The following SMAD2 variants were observed in gnomAD, a reference collection of about 807,000 sequenced individuals.
SMAD2 encodes SMAD family member 2, also known as MAD homolog 2.
SMAD2 carries 8 observed loss-of-function variants against 64.4 expected under a neutral mutation model. That is an observed-to-expected ratio of 0.12 (90% CI 0.07 to 0.22). The LOEUF is 0.22. SMAD2 is among the 10% of genes least tolerant of loss of function. The pLI is 1.00. For missense variants in SMAD2, 289 were observed against 561.2 expected, an observed-to-expected ratio of 0.51 and a Z score of 4.90; for synonymous variants, 203 against 195.8, an observed-to-expected ratio of 1.04 and a Z score of -0.31.
chr18:47,851,512 G>A (rs2030076878), intron 6 of SMAD2, among the ~76,000 whole-genome samples, 185 bp from the exon 7 acceptor site: 1 of 134,872 alleles, frequency 7.4e-6, no homozygotes, highest in Non-Finnish European at 1.6e-5. Context: ...GAAGAGAAGG[G>A]GGGGTTCCAG....
At position 47,865,145 on chromosome 18, in the gene SMAD2, T is replaced by TA; in HGVS notation, c.656-13dup. The TA allele has an allele frequency of 1.9e-6, 3 of 1,543,186 alleles. No homozygotes were observed. The highest frequency in any genetic ancestry group is 2.7e-6 in the Non-Finnish European group (3 of 1,115,964). ...AGGAGGTGGCGTTTCTACAAAAGTT[T>TA]AAAACAAATCAAGCACAGCTGCAAC... On this transcript the variant is annotated splice_polypyrimidine_tract_variant and intron_variant, in intron 5 of 10. Transcript: ENST00000262160.
In SMAD2 at chr18:47,869,244, T is replaced by A; in HGVS notation, c.519A>T (p.Pro173=). The change falls in exon 4 of 11, where the codon CCA becomes CCT. Residue 173 remains proline (P), a splice_region_variant and synonymous_variant. Coordinates refer to ENST00000262160, the MANE Select transcript of SMAD2 (RefSeq NM_005901.6). The part of the protein sequence containing the change: ...NPYHYQRVET[P]VLPPVLVPRH... ...GAAAAAAACTTGCAATATTCCTACC[T>A]GGTGTCTCAACTCTCTGATAGTGGT... 6.2e-7 allele frequency: 1 copy of A among 1,610,700 alleles called. No individual in the cohort carries two copies. Among genetic ancestry groups the A allele is most frequent in the African/African-American group, 1.3e-5 (1 of 74,954 alleles).
chr18:47,926,390 C>A (rs1204793072), intron 1 of SMAD2, among the ~76,000 whole-genome samples: 1 of 152,124 alleles, frequency 6.6e-6, no homozygotes, highest in East Asian at 1.9e-4. Flanking sequence ...ACTCAATGGC[C>A]CCAGACATGC....
At chr18:47,920,995 A>C (rs558615145) in intron 1 of SMAD2, among the ~76,000 whole-genome samples, 1 of 152,262 alleles carries the variant, frequency 6.6e-6, no homozygotes, top group South Asian at 2.1e-4. Flanking sequence ...CCTCTACAAA[A>C]AATTTTAAAA....
chr18:47,920,506 A>T (rs2144541150), intron 1 of SMAD2, among the ~76,000 whole-genome samples: 1 of 152,314 alleles, frequency 6.6e-6, no homozygotes, highest in East Asian at 1.9e-4. Context: ...TGGCTATCAT[A>T]CTGGACAGAG....
At chr18:47,877,221 A>C (rs2032317785) in intron 2 of SMAD2, among the ~76,000 whole-genome samples, 1 of 151,404 alleles carries the variant, frequency 6.6e-6, no homozygotes, top group African/African-American at 2.4e-5. Context: ...CCTTGGTAAG[A>C]TTAAAAGCAT....
At chr18:47,855,838 C>A (rs2144333560) in intron 6 of SMAD2, among the ~76,000 whole-genome samples, 1 of 152,256 alleles carries the variant, frequency 6.6e-6, no homozygotes, top group East Asian at 1.9e-4. Flanking sequence ...CACCACCCAT[C>A]TCTCCTGGCC....
intron 1 of SMAD2, among the ~76,000 whole-genome samples, chr18:47,927,196 T>C (rs1456161472): frequency 6.6e-6 from 1 of 152,214 alleles, no homozygotes; most frequent in Non-Finnish European, 1.5e-5. Flanking sequence ...GCTCTACAAG[T>C]GTACATCTGT....
chr18:47,888,217 CAA>C (rs895394983), intron 2 of SMAD2, among the ~76,000 whole-genome samples: 2 of 151,912 alleles, frequency 1.3e-5, no homozygotes, highest in African/African-American at 4.8e-5. Flanking sequence ...AAAACTTGCT[CAA>C]AAGACAATGG....
In SMAD2 at chr18:47,817,395, CTT is replaced by C. The variant is rs1285486848; in HGVS notation, c.*24430_*24431del. 1 of 152,188 alleles carries C rather than the reference CTT, an allele frequency of 6.6e-6. No homozygotes were observed. Among genetic ancestry groups the C allele is most frequent in the Non-Finnish European group, 1.5e-5 (1 of 68,016 alleles). 9.4% of individuals were successfully genotyped at this position (152,188 alleles called of 1,614,324 possible). On this transcript the variant is annotated 3_prime_UTR_variant, in exon 11 of 11. Coordinates refer to ENST00000262160, the MANE Select transcript of SMAD2 (RefSeq NM_005901.6). ...ACATCCCTCCTGGGATGACAAAAGA[CTT>C]TTTGTCTTTCCTGGCAAGTCCTTTT... is the stretch of plus-strand genomic sequence containing the variant.
In SMAD2 at chr18:47,848,453, C is replaced by T. The variant is rs150503321; in HGVS notation, c.997+22G>A. ...ATGAGTATACAGCATTTATTTTTCA[C>T]AACAAGGAAAATAAAACATACCTAT... On this transcript the variant is annotated intron_variant, in intron 8 of 10. Coordinates refer to ENST00000262160, the MANE Select transcript of SMAD2 (RefSeq NM_005901.6). The T allele has an allele frequency of 6.3e-5, 98 of 1,556,274 alleles. No homozygotes were observed. In the East Asian group the frequency reaches 1.4e-3, roughly 22 times the overall value.
In SMAD2 at chr18:47,839,592, C is replaced by G. The variant is rs1353213610; in HGVS notation, c.*2235G>C. The G allele has an allele frequency of 4.7e-5, 11 of 233,048 alleles. No homozygotes were observed. The highest frequency in any genetic ancestry group is 9.3e-5 in the Non-Finnish European group (11 of 117,956). The allele number at this position is 233,048 out of a possible 1,614,324, so 14.4% of individuals were successfully genotyped here. A position where few individuals can be genotyped will look rare whatever the true frequency, so the allele number is the denominator to read the frequency against. Reference sequence around the variant, plus strand: ...TGTGGTGCAAATGAAATTTTTACAGCAAAGGTTGAGGAAGGAGATATGTTA... The same window carrying G: ...TGTGGTGCAAATGAAATTTTTACAGGAAAGGTTGAGGAAGGAGATATGTTA... On this transcript the variant is annotated 3_prime_UTR_variant, in exon 11 of 11. Transcript: ENST00000262160.
At chr18:47,920,837 C>T (rs1191223745) in intron 1 of SMAD2, among the ~76,000 whole-genome samples, 1 of 152,152 alleles carries the variant, frequency 6.6e-6, no homozygotes, top group Non-Finnish European at 1.5e-5. Context: ...AGACTGGAAA[C>T]ATTCAACAGA....
At chr18:47,882,197 T>C (rs2032646608) in intron 2 of SMAD2, among the ~76,000 whole-genome samples, 2 of 148,946 alleles carry the variant, frequency 1.3e-5, no homozygotes, top group South Asian at 4.3e-4. Context: ...GATTAATTTT[T>C]CTTTTTTCGG....
intron 1 of SMAD2, among the ~76,000 whole-genome samples, chr18:47,899,042 G>C (rs2033567427): frequency 6.6e-6 from 1 of 152,046 alleles, no homozygotes; most frequent in South Asian, 2.1e-4. Context: ...AATGGAGAAG[G>C]GGTAAGTTTT....
rs778486632 is a variant in SMAD2 at position 47,896,827 on chromosome 18, A to T, written c.-53-18T>A. The T allele has an allele frequency of 2.9e-5, 46 of 1,559,368 alleles. No individual in the cohort carries two copies. The highest frequency in any genetic ancestry group is 3.9e-5 in the Non-Finnish European group (45 of 1,153,266). ...TATCGAACCTAGCAGAAATATTGAA[A>T]GGATGATGTAGAGACTACCTTGAAC... On this transcript the variant is annotated intron_variant, in intron 1 of 10. Transcript: ENST00000262160.
intron 1 of SMAD2, among the ~76,000 whole-genome samples, chr18:47,909,686 C>A (rs1372520654): frequency 1.3e-5 from 2 of 152,150 alleles, no homozygotes; most frequent in Non-Finnish European, 2.9e-5. Flanking sequence ...CCGGCTGCCA[C>A]AACAAAAAGG....
chr18:47,869,325 A>G lies in SMAD2; in HGVS notation c.438T>C (p.Ile146=), dbSNP rs756633093. Residue 146 remains isoleucine, a synonymous_variant, in exon 4 of 11, where the codon ATT becomes ATC. Coordinates refer to ENST00000262160, the MANE Select transcript of SMAD2 (RefSeq NM_005901.6). ...DLHSHHELKA[I]ENCEYAFNLK... Reference sequence around the variant, plus strand: ...GATTAAAAGCATATTCGCAGTTTTCAATTGCCTTGAGTTCATGATGACTGT... The same window carrying G: ...GATTAAAAGCATATTCGCAGTTTTCGATTGCCTTGAGTTCATGATGACTGT... The G allele has an allele frequency of 6.2e-7, 1 of 1,613,752 alleles. No individual in the cohort carries two copies. The highest frequency in any genetic ancestry group is 1.1e-5 in the South Asian group (1 of 91,068).
In SMAD2 at chr18:47,868,416, T is replaced by C; in HGVS notation, c.562A>G (p.Thr188Ala). The C allele has an allele frequency of 6.2e-7, 1 of 1,611,644 alleles. No individual in the cohort carries two copies. The highest frequency in any genetic ancestry group is 1.1e-5 in the South Asian group (1 of 91,012). The stretch of plus-strand genomic sequence containing the variant: ...TAGTCATCCAGAGGCGGAAGTTCTG[T>C]TAGGATCTCGGTGTGTCGGGGCACT... The part of the protein sequence containing the change: ...VLVPRHTEIL[T>A]ELPPLDDYTH... The change falls in exon 5 of 11, where the codon ACA becomes GCA. Residue 188 changes from threonine (T) to alanine (A), a missense_variant. Thr to Ala is a moderately conservative substitution (Grantham distance 58, BLOSUM62 0). Transcript: ENST00000262160.
Sources: gnomAD v4.1 joint callset for allele counts (sites outside exome capture counted in the v4.1 genomes callset) on GRCh38, gnomAD v4.1.1 for gene constraint, MANE v1.5 for transcripts, NCBI Gene and HGNC (gene_info 2026-07-23, HGNC 2026-07-21) for gene names.